PAMR1: variants seen among roughly 807,000 people sequenced by gnomAD.
The protein encoded by PAMR1 is inactive serine protease PAMR1.
Under a neutral mutation model 81.8 loss-of-function variants are expected in PAMR1, and 88 were observed. That is an observed-to-expected ratio of 1.08 (90% CI 0.91 to 1.28). The LOEUF (loss-of-function observed/expected upper bound fraction) is 1.28, where lower values mean the gene tolerates loss of function less well. PAMR1 is among the 50% of genes most tolerant of loss of function. The pLI is 0.00. For missense variants in PAMR1, 935 were observed against 919.7 expected (o/e 1.02, Z -0.21); for synonymous variants, 336 against 345.3 (o/e 0.97, Z 0.30).
intron 5 of PAMR1, among the ~76,000 whole-genome samples, chr11:35,469,155 G>T (rs892787497): frequency 5.3e-5 from 8 of 152,228 alleles, no homozygotes; most frequent in African/African-American, 1.9e-4. Context: ...TGTAGTAGGG[G>T]CTATGAAGGA....
At chr11:35,477,336 A>G (rs1278579658) in intron 3 of PAMR1, among the ~76,000 whole-genome samples, 1 of 152,226 alleles carries the variant, frequency 6.6e-6, no homozygotes, top group Non-Finnish European at 1.5e-5. Flanking sequence ...AGTCTTCATA[A>G]AAAAACACAG....
At chr11:35,500,631 G>A (rs1264454406) in intron 1 of PAMR1, among the ~76,000 whole-genome samples, 1 of 152,186 alleles carries the variant, frequency 6.6e-6, no homozygotes, top group Non-Finnish European at 1.5e-5. Context: ...TAAAATTACA[G>A]AAAGAAATCC....
At chr11:35,516,320 C>G (rs557440361) in intron 1 of PAMR1, among the ~76,000 whole-genome samples, 1 of 152,352 alleles carries the variant, frequency 6.6e-6, no homozygotes, top group South Asian at 2.1e-4. Context: ...ATATGCACCT[C>G]ATATGCCTAC....
chr11:35,458,148 A>G (rs1856573409), intron 6 of PAMR1, among the ~76,000 whole-genome samples: 1 of 152,222 alleles, frequency 6.6e-6, no homozygotes, highest in South Asian at 2.1e-4. Context: ...TGAAAAATCA[A>G]CATTTCTATA....
At chr11:35,522,090 T>C (rs1851294333) in intron 1 of PAMR1, among the ~76,000 whole-genome samples, 1 of 152,000 alleles carries the variant, frequency 6.6e-6, no homozygotes, top group Admixed American at 6.6e-5. Context: ...GCCCAGCTAA[T>C]TTTTTGTATT....
chr11:35,475,125 A>G (rs1464157), intron 3 of PAMR1, among the ~76,000 whole-genome samples: 21,817 of 152,178 alleles, frequency 0.14, 1,891 homozygotes, highest in Admixed American at 0.26. Flanking sequence ...AGGCCTGACA[A>G]ATGCCAGCCT....
At chr11:35,509,536 C>T (rs1032359296) in intron 1 of PAMR1, among the ~76,000 whole-genome samples, 14 of 152,322 alleles carry the variant, frequency 9.2e-5, no homozygotes, top group East Asian at 3.9e-4. Flanking sequence ...AACATTATTT[C>T]AGCTAAAATG....
chr11:35,501,989 G>A (rs1367037443), intron 1 of PAMR1, among the ~76,000 whole-genome samples: 2 of 152,094 alleles, frequency 1.3e-5, no homozygotes. Context: ...TTAGTTTGCT[G>A]AGAAACCTCC....
chr11:35,477,645 C>T (rs1025038734), intron 3 of PAMR1, among the ~76,000 whole-genome samples: 7 of 152,172 alleles, frequency 4.6e-5, no homozygotes, highest in Admixed American at 1.3e-4. Flanking sequence ...AAGCTTAAAT[C>T]GTGCATGGCA....
At chr11:35,487,115 C>G (rs1250271975) in intron 3 of PAMR1, among the ~76,000 whole-genome samples, 1 of 151,964 alleles carries the variant, frequency 6.6e-6, no homozygotes, top group Non-Finnish European at 1.5e-5. Context: ...TGGAGCACAA[C>G]CAGCCCAGGT....
chr11:35,451,780 C>T, intron 6 of PAMR1: 1 of 564,802 alleles, frequency 1.8e-6, no homozygotes, highest in Non-Finnish European at 3.2e-6. Flanking sequence ...GTGGAGCCCT[C>T]ATGAACGAGA....
At position 35,432,535 on chromosome 11, in the gene PAMR1, T is replaced by G. The variant is rs1308085649; in HGVS notation, c.1984A>C (p.Thr662Pro). Residue 662 changes from threonine (T) to proline (P), a missense_variant, in exon 11 of 11, where the codon ACT (threonine) becomes CCT (proline). Thr to Pro is a conservative substitution (Grantham distance 38). Transcript: ENST00000619888. Reference protein sequence around the residue: ...WEPTAPSDICTAETGGIAAVS... With the variant: ...WEPTAPSDICPAETGGIAAVS... ...GCCGCGATGCCTCCTGTCTCTGCAG[T>G]GCAGATATCAGAAGGGGCAGTGGGT... 1.2e-6 allele frequency: 2 copies of G among 1,614,096 alleles called. No homozygotes were observed. The highest frequency in any genetic ancestry group is 2.7e-5 in the African/African-American group (2 of 74,938).
In PAMR1 at chr11:35,490,106, G is replaced by C. The variant is rs554169808; in HGVS notation, c.379+1939C>G. On this transcript the variant is annotated intron_variant, in intron 3 of 10. Transcript: ENST00000619888. ...GCACATCTTACATGGCAGCAGGCAA[G>C]AGAGCTTATGCAGGGGAACTCCTGT... Among the ~76,000 whole-genome samples the C allele has an allele frequency of 2.0e-5, 3 of 152,354 alleles. No individual in the cohort carries two copies. The South Asian group carries it at 6.2e-4, about 32-fold the overall frequency.
chr11:35,505,522 T>C (rs569642117), intron 1 of PAMR1, among the ~76,000 whole-genome samples: 153 of 152,212 alleles, frequency 1.0e-3, no homozygotes, highest in Non-Finnish European at 2.1e-3. Context: ...GGGTGCTCTA[T>C]TGTTGGGTGC....
At chr11:35,458,515 G>A (rs1590335359) in intron 6 of PAMR1, among the ~76,000 whole-genome samples, 2 of 152,238 alleles carry the variant, frequency 1.3e-5, no homozygotes, top group East Asian at 3.9e-4. Context: ...AGTCAGGCAG[G>A]TACTATTCTG....
chr11:35,478,749 A>T (rs1277290440), intron 3 of PAMR1, among the ~76,000 whole-genome samples: 1 of 152,204 alleles, frequency 6.6e-6, no homozygotes, highest in African/African-American at 2.4e-5. Context: ...AGTCTGAAAG[A>T]CCAGAGCAGG....
chr11:35,471,987 A>T (rs1344250557), intron 4 of PAMR1, among the ~76,000 whole-genome samples: 1 of 144,342 alleles, frequency 6.9e-6, no homozygotes, highest in Non-Finnish European at 1.5e-5. Context: ...GAACACTGGA[A>T]TATAGTGACA....
At chr11:35,483,102 C>T (rs684748) in intron 3 of PAMR1, among the ~76,000 whole-genome samples, 1 of 152,004 alleles carries the variant, frequency 6.6e-6, no homozygotes, top group Admixed American at 6.5e-5. Flanking sequence ...CAAACGCCCT[C>T]TCCTCTATTA....
rs1856716301 is a variant in PAMR1 at position 35,464,222 on chromosome 11, T to C, written c.820+3779A>G. Among the ~76,000 whole-genome samples the C allele has an allele frequency of 2.0e-5, 3 of 152,200 alleles. No homozygotes were observed. In the South Asian group the frequency reaches 6.2e-4, roughly 32 times the overall value. On this transcript the variant is annotated intron_variant, in intron 6 of 10. Coordinates refer to ENST00000619888, the MANE Select transcript of PAMR1 (RefSeq NM_001001991.3). ...GCAAAATGTTAAAAGCAATATCAAGTCCATCTTAAGGACTTGGATGAATAT... is the reference window on the plus strand; with the variant it reads ...GCAAAATGTTAAAAGCAATATCAAGCCCATCTTAAGGACTTGGATGAATAT...
Sources: gnomAD v4.1 joint callset for allele counts (sites outside exome capture counted in the v4.1 genomes callset) on GRCh38, gnomAD v4.1.1 for gene constraint, MANE v1.5 for transcripts, NCBI Gene and HGNC (gene_info 2026-07-23, HGNC 2026-07-21) for gene names.